NEK11: variants seen among roughly 807,000 people sequenced by gnomAD.
NEK11 encodes the protein serine/threonine-protein kinase Nek11.
A neutral mutation model predicts 80.7 loss-of-function variants in NEK11; 72 were observed. That is an observed-to-expected ratio of 0.89 (90% CI 0.74 to 1.08). The LOEUF is 1.08. Among genes scored for constraint, NEK11 ranks in the 50% least tolerant of loss-of-function variants. The probability of loss-of-function intolerance (pLI) is 0.00; values close to 1 mark genes in which losing one functional copy is unlikely to be tolerated. For missense variants in NEK11, 764 were observed against 763.6 expected, an observed-to-expected ratio of 1.00 and a Z score of -0.01; for synonymous variants, 251 against 260.7, an observed-to-expected ratio of 0.96 and a Z score of 0.36.
Position 131,029,604 on chromosome 3 carries a change from A to G in NEK11, c.-96-9A>G. On this transcript the variant is annotated splice_polypyrimidine_tract_variant and intron_variant, in intron 2 of 17. Transcript: ENST00000383366. ...TTTAGACCTGATCTTTTAACTTTTCATCTTTAAGGAACTGACCAACACTGG... is the reference window on the plus strand; with the variant it reads ...TTTAGACCTGATCTTTTAACTTTTCGTCTTTAAGGAACTGACCAACACTGG... 8.7e-7 allele frequency: 1 copy of G among 1,145,026 alleles called. No homozygotes were observed. Among genetic ancestry groups the G allele is most frequent in the South Asian group, 1.5e-5 (1 of 65,246 alleles). The allele number at this position is 1,145,026 out of a possible 1,614,324, so 70.9% of individuals were successfully genotyped here.
intron 15 of NEK11, among the ~76,000 whole-genome samples, chr3:131,231,925 A>T (rs748887146): frequency 5.9e-5 from 9 of 152,132 alleles, no homozygotes; most frequent in Non-Finnish European, 8.8e-5. Context: ...CCAAAGTCAC[A>T]TAGTTATTTT....
intron 7 of NEK11, among the ~76,000 whole-genome samples, chr3:131,137,089 C>T (rs1364844640): frequency 6.6e-6 from 1 of 152,148 alleles, no homozygotes; most frequent in Non-Finnish European, 1.5e-5. Context: ...ATAGTGGCAA[C>T]ATCTAGAGTG....
chr3:131,269,806 A>G (rs2096143423), intron 16 of NEK11, among the ~76,000 whole-genome samples: 1 of 152,222 alleles, frequency 6.6e-6, no homozygotes, highest in Non-Finnish European at 1.5e-5. Flanking sequence ...ACGTGAGACC[A>G]GTGCAGTTAC....
chr3:131,345,139 T>A (rs982997547), intron 17 of NEK11, among the ~76,000 whole-genome samples: 1 of 152,246 alleles, frequency 6.6e-6, no homozygotes, highest in Non-Finnish European at 1.5e-5. Flanking sequence ...TTTTTTTCTA[T>A]GTTTTTTATT....
At chr3:131,089,136 G>A (rs1049587832) in intron 4 of NEK11, among the ~76,000 whole-genome samples, 18 of 152,140 alleles carry the variant, frequency 1.2e-4, no homozygotes, top group African/African-American at 3.9e-4. Flanking sequence ...TAAGTACATG[G>A]CCTGTTTATA....
intron 14 of NEK11, among the ~76,000 whole-genome samples, chr3:131,226,425 A>G (rs1248064058): frequency 2.6e-5 from 4 of 151,734 alleles, no homozygotes; most frequent in South Asian, 2.1e-4. Context: ...TGGAACCAAC[A>G]TAACTGCCCA....
At chr3:131,279,264 C>T (rs564224153) in intron 17 of NEK11, among the ~76,000 whole-genome samples, 11 of 151,940 alleles carry the variant, frequency 7.2e-5, no homozygotes, top group Non-Finnish European at 1.3e-4. Flanking sequence ...ACAGGAGAAT[C>T]GCTTGAACCC....
At chr3:131,263,338 T>G (rs1443687284) in intron 16 of NEK11, among the ~76,000 whole-genome samples, 1 of 152,140 alleles carries the variant, frequency 6.6e-6, no homozygotes, top group Non-Finnish European at 1.5e-5. Context: ...TTTCCCCATT[T>G]CTTGTTTTTG....
chr3:131,076,765 A>G (rs1175662761), intron 3 of NEK11, among the ~76,000 whole-genome samples: 1 of 152,206 alleles, frequency 6.6e-6, no homozygotes, highest in East Asian at 1.9e-4. Context: ...TGAAGCTTTG[A>G]AAAACACAAC....
In NEK11 at chr3:131,115,960, T is replaced by TTCTTTC. The variant is rs1553878540; in HGVS notation, c.455+6041_455+6046dup. Among the ~76,000 whole-genome samples, 341 of 142,618 alleles carry TTCTTTC rather than the reference T, an allele frequency of 2.4e-3. 7 individuals carry two copies. Among genetic ancestry groups the TTCTTTC allele is most frequent in the African/African-American group, 8.3e-3 (316 of 37,876 alleles). The allele number at this position is 142,618 out of a possible 152,430, so 93.6% of individuals were successfully genotyped here. ...TTTCTTTCTTTCTTTCTTTCTTTCT[T>TTCTTTC]TCTTTCTTTCTTTCTTTCTTTCTTT... On this transcript the variant is annotated intron_variant, in intron 5 of 17. Coordinates refer to ENST00000383366, the MANE Select transcript of NEK11 (RefSeq NM_024800.5).
intron 16 of NEK11, among the ~76,000 whole-genome samples, 180 bp downstream of exon 16, chr3:131,243,676 A>C (rs1437730209): frequency 1.3e-5 from 2 of 152,136 alleles, no homozygotes. Context: ...AAAATTGCTT[A>C]TTATTATTGT....
At chr3:131,074,009 G>T (rs954649905) in intron 3 of NEK11, among the ~76,000 whole-genome samples, 31 of 152,118 alleles carry the variant, frequency 2.0e-4, no homozygotes, top group Non-Finnish European at 1.9e-4. Context: ...AGAACTCTGA[G>T]GTTAATGTTC....
chr3:131,171,483 A>G (rs917463721), intron 14 of NEK11, among the ~76,000 whole-genome samples: 3 of 152,158 alleles, frequency 2.0e-5, no homozygotes, highest in African/African-American at 7.2e-5. Flanking sequence ...AATGGAGCAG[A>G]TACATGCAAA....
intron 17 of NEK11, among the ~76,000 whole-genome samples, chr3:131,316,658 T>G (rs1224138544): frequency 6.6e-6 from 1 of 152,234 alleles, no homozygotes; most frequent in East Asian, 1.9e-4. Context: ...TTTTTGTTGA[T>G]ACTTTAAAAA....
At chr3:131,255,083 A>AGAAG (rs2095787651) in intron 16 of NEK11, among the ~76,000 whole-genome samples, 1 of 64,546 alleles carries the variant, frequency 1.5e-5, no homozygotes, top group African/African-American at 4.8e-5. Flanking sequence ...AAAGAAGGAA[A>AGAAG]GAAAGAAAGA....
chr3:131,182,641 T>G (rs2093417674), intron 14 of NEK11, among the ~76,000 whole-genome samples: 1 of 152,192 alleles, frequency 6.6e-6, no homozygotes, highest in South Asian at 2.1e-4. Flanking sequence ...TGGCCAAGGC[T>G]CGTTTAAATT....
In NEK11 at chr3:131,350,086, C is replaced by T. The variant is rs747686191; in HGVS notation, c.*310C>T. 6 of 297,430 alleles carry T rather than the reference C, an allele frequency of 2.0e-5. No homozygotes were observed. The highest frequency in any genetic ancestry group is 6.6e-5 in the African/African-American group (3 of 45,494). 18.4% of individuals were successfully genotyped at this position (297,430 alleles called of 1,614,324 possible). On this transcript the variant is annotated 3_prime_UTR_variant, in exon 18 of 18. Coordinates refer to ENST00000383366, the MANE Select transcript of NEK11 (RefSeq NM_024800.5). ...AGGATTGAGTCACCCTGACGATGAC[C>T]GGGGAGAAGCCGTGTGCTCTTCATT... is the stretch of plus-strand genomic sequence containing the variant.
chr3:131,216,675 A>C (rs1402994227), intron 14 of NEK11, among the ~76,000 whole-genome samples: 1 of 152,024 alleles, frequency 6.6e-6, no homozygotes, highest in African/African-American at 2.4e-5. Context: ...ATGATTGCAG[A>C]CCTGAGTGTT....
At chr3:131,204,738 T>C (rs1389090672) in intron 14 of NEK11, among the ~76,000 whole-genome samples, 1 of 152,068 alleles carries the variant, frequency 6.6e-6, no homozygotes, top group Non-Finnish European at 1.5e-5. Flanking sequence ...ACTCATTAAA[T>C]AGGCCAAAAT....
Sources: allele counts gnomAD v4.1 joint callset (sites outside exome capture counted in the v4.1 genomes callset), GRCh38; gene constraint gnomAD v4.1.1; transcripts MANE v1.5; gene names NCBI Gene and HGNC (gene_info 2026-07-23, HGNC 2026-07-21).